Variants in DMRTC2 observed in about 807,000 individuals in gnomAD.
The protein encoded by DMRTC2 is DMRT like family C2.
Under a neutral mutation model 39.9 loss-of-function variants are expected in DMRTC2, and 13 were observed. The observed-to-expected ratio is 0.33, with a 90% CI of 0.21 to 0.52. The LOEUF (loss-of-function observed/expected upper bound fraction) is 0.52, where lower values mean the gene tolerates loss of function less well. Among genes scored for constraint, DMRTC2 ranks in the 20% least tolerant of loss-of-function variants. The probability of loss-of-function intolerance (pLI) is 0.96; values close to 1 mark genes in which losing one functional copy is unlikely to be tolerated. For missense variants in DMRTC2, 431 were observed against 472.8 expected, an observed-to-expected ratio of 0.91 and a Z score of 0.82; for synonymous variants, 189 against 185.2, an observed-to-expected ratio of 1.02 and a Z score of -0.17.
Position 41,848,539 on chromosome 19 carries a change from G to A in DMRTC2, c.447+11G>A. ...ACACCCCCCGGGAAGGTAAGGAGAG[G>A]CTGGGGCCTGAGAAAGTGTCCCCCA... On this transcript the variant is annotated intron_variant, in intron 4 of 8. Transcript: ENST00000269945. 1.3e-6 allele frequency: 2 copies of A among 1,560,826 alleles called. No individual in the cohort carries two copies. The highest frequency in any genetic ancestry group is 1.2e-5 in the South Asian group (1 of 84,352).
Position 41,852,005 on chromosome 19 carries a change from G to A in DMRTC2, c.*309G>A, listed in dbSNP as rs896164868. On this transcript the variant is annotated 3_prime_UTR_variant, in exon 9 of 9. Coordinates refer to ENST00000269945, the MANE Select transcript of DMRTC2 (RefSeq NM_001040283.3). ...TTTAAGCTGACCAGTATCTATAAAC[G>A]TGTTTGCATGAGTTTACATCCCAGG... 9 of 297,378 alleles carry A rather than the reference G, an allele frequency of 3.0e-5. No individual in the cohort carries two copies. In the East Asian group the frequency reaches 3.4e-4, roughly 11 times the overall value. The allele number at this position is 297,378 out of a possible 1,614,324, so 18.4% of individuals were successfully genotyped here. A position where few individuals can be genotyped will look rare whatever the true frequency, so the allele number is the denominator to read the frequency against.
Position 41,851,968 on chromosome 19 carries a change from A to G in DMRTC2, c.*272A>G. The G allele has an allele frequency of 2.2e-6, 1 of 464,064 alleles. No homozygotes were observed. Among genetic ancestry groups the G allele is most frequent in the South Asian group, 2.9e-5 (1 of 34,948 alleles). The allele number at this position is 464,064 out of a possible 1,614,324, so 28.7% of individuals were successfully genotyped here. Reference sequence around the variant, plus strand: ...ATCTCTTGAAATCCCCAATAAAGAGAGAGTTGTGCTATTTAAGCTGACCAG... The same window carrying G: ...ATCTCTTGAAATCCCCAATAAAGAGGGAGTTGTGCTATTTAAGCTGACCAG... On this transcript the variant is annotated 3_prime_UTR_variant, in exon 9 of 9. Transcript: ENST00000269945.
chr19:41,848,273 G>A (rs1306844571), intron 3 of DMRTC2, among the ~76,000 whole-genome samples, 179 bp from the exon 4 acceptor site: 1 of 152,162 alleles, frequency 6.6e-6, no homozygotes, highest in East Asian at 1.9e-4. Context: ...TTGAACCCAG[G>A]AGGCGGAGGT....
intron 3 of DMRTC2, among the ~76,000 whole-genome samples, chr19:41,848,216 C>T (rs1163009364): frequency 2.0e-5 from 3 of 152,072 alleles, no homozygotes; most frequent in African/African-American, 7.2e-5. Context: ...CTTGGTGGCG[C>T]ATGCCTGTAG....
At chr19:41,849,621 G>C (rs1016016540) in intron 6 of DMRTC2, among the ~76,000 whole-genome samples, 2 of 152,324 alleles carry the variant, frequency 1.3e-5, no homozygotes, top group South Asian at 4.1e-4. Flanking sequence ...GAGATGATGA[G>C]AGCCTCAGAG....
At chr19:41,851,469 GTGAAATAATCCAGGAGAACAATGA>G (rs1489404584) in intron 8 of DMRTC2, 91 bp from the exon 9 acceptor site, 9 of 859,744 alleles carry the variant, frequency 1.0e-5, no homozygotes, top group Non-Finnish European at 1.3e-5. Context: ...AAGGAGGTCT[GTGAAATAATCCAGGAGAACAATGA>G]TGAGGCCTGG....
chr19:41,851,416 T>G, intron 8 of DMRTC2, 168 bp from the exon 9 acceptor site: 1 of 599,134 alleles, frequency 1.7e-6, no homozygotes, highest in South Asian at 2.1e-5. Flanking sequence ...GTGGCTTTGA[T>G]GGACGGTTTG....
Position 41,847,875 on chromosome 19 carries a change from G to A in DMRTC2, c.364G>A (p.Val122Ile). The change falls in exon 3 of 9, where the codon GTC becomes ATC. Residue 122 changes from valine (V) to isoleucine (I), a missense_variant. Val to Ile is a conservative substitution (Grantham distance 29). Coordinates refer to ENST00000269945, the MANE Select transcript of DMRTC2 (RefSeq NM_001040283.3). ...CAGAAAGGGAACCACTCAGCCACAG[G>A]TCCCCTGTGAGTGTCTCTGACCAGC... ...HFRKGTTQPQ[V>I]PSGKENIAPQ... 6.3e-7 allele frequency: 1 copy of A among 1,582,070 alleles called. No individual in the cohort carries two copies.
chr19:41,849,753 A>G (rs1485553673), intron 6 of DMRTC2, among the ~76,000 whole-genome samples: 1 of 152,178 alleles, frequency 6.6e-6, no homozygotes. Flanking sequence ...TAGGTCAGGG[A>G]CAGTAATCTC....
chr19:41,850,150 T>A, intron 6 of DMRTC2, 162 bp from the exon 7 acceptor site: 5 of 552,132 alleles, frequency 9.1e-6, no homozygotes, highest in Non-Finnish European at 1.5e-5. Context: ...CTGGCAAGGA[T>A]TTTTACTTTA....
intron 1 of DMRTC2, among the ~76,000 whole-genome samples, chr19:41,846,478 C>T (rs1016346613): frequency 6.6e-6 from 1 of 152,022 alleles, no homozygotes; most frequent in African/African-American, 2.4e-5. Context: ...GAGGCCAAGG[C>T]AGGAGGATCG....
rs1414986803 is a variant in DMRTC2, at chr19:41,848,917, A to G, written c.570A>G (p.Pro190=). The G allele has an allele frequency of 1.9e-6, 3 of 1,613,560 alleles. No individual in the cohort carries two copies. Among genetic ancestry groups the G allele is most frequent in the Non-Finnish European group, 2.5e-6 (3 of 1,180,002 alleles). ...TGCCTCCAGGCTTCTCCATGCCACC[A>G]CCAGTGGTGTGCCGCCTGCTGTACC... ...HWLPPGFSMP[P]PVVCRLLYQE... Residue 190 remains proline, a synonymous_variant, in exon 5 of 9, where the codon CCA becomes CCG. Coordinates refer to ENST00000269945, the MANE Select transcript of DMRTC2 (RefSeq NM_001040283.3).
intron 8 of DMRTC2, chr19:41,851,065 C>A: frequency 7.8e-6 from 2 of 255,662 alleles, no homozygotes; most frequent in Non-Finnish European, 1.5e-5. Flanking sequence ...TGATAAGTGC[C>A]TTCAAGGAGC....
At chr19:41,851,040 G>T in intron 8 of DMRTC2, 2 of 266,150 alleles carry the variant, frequency 7.5e-6, no homozygotes, top group Non-Finnish European at 1.4e-5. Context: ...GTGGGGTCTG[G>T]CCTGGGAGGA....
chr19:41,847,479 C>G lies in DMRTC2; in HGVS notation c.51C>G (p.Ala17=). 6.2e-7 allele frequency: 1 copy of G among 1,609,966 alleles called. No individual in the cohort carries two copies. The highest frequency in any genetic ancestry group is 8.5e-7 in the Non-Finnish European group (1 of 1,177,704). ...GCTACCACTGCCCCTTAGACTCTGCCCCCTGGGATGAGACCAGAGACCCCC... is the reference window on the plus strand; with the variant it reads ...GCTACCACTGCCCCTTAGACTCTGCGCCCTGGGATGAGACCAGAGACCCCC... ...PAGYHCPLDS[A]PWDETRDPQS... is the part of the protein sequence containing the mutation. Residue 17 remains alanine, a synonymous_variant, in exon 2 of 9, where the codon GCC becomes GCG. Coordinates refer to ENST00000269945, the MANE Select transcript of DMRTC2 (RefSeq NM_001040283.3).
intron 8 of DMRTC2, 195 bp downstream of exon 8, chr19:41,850,895 C>T (rs148605793): frequency 1.5e-5 from 8 of 516,818 alleles, no homozygotes; most frequent in Admixed American, 8.0e-5. Flanking sequence ...GTTTGGCACT[C>T]GACAGCAAAT....
At chr19:41,848,129 C>T (rs1555836436) in intron 3 of DMRTC2, among the ~76,000 whole-genome samples, 1 of 152,140 alleles carries the variant, frequency 6.6e-6, no homozygotes. Flanking sequence ...AGGCAGACCA[C>T]GAGGTCAAGA....
chr19:41,846,474 A>C (rs2073849208), intron 1 of DMRTC2, among the ~76,000 whole-genome samples: 1 of 151,814 alleles, frequency 6.6e-6, no homozygotes, highest in Non-Finnish European at 1.5e-5. Flanking sequence ...GTGGGAGGCC[A>C]AGGCAGGAGG....
rs111440136 is a variant in DMRTC2, at chr19:41,851,376, A to C, written c.992-208A>C. On this transcript the variant is annotated intron_variant, in intron 8 of 8. Coordinates refer to ENST00000269945, the MANE Select transcript of DMRTC2 (RefSeq NM_001040283.3). ...TTCTGAACTAAGCAAGGACAAATTC[A>C]GAGACCCTGAGCTTTAGAAAGACAA... 5.8e-4 allele frequency: 320 copies of C among 555,368 alleles called. 2 individuals carry two copies. The highest frequency in any genetic ancestry group is 5.6e-3 in the African/African-American group (298 of 53,002). 34.4% of individuals were successfully genotyped at this position (555,368 alleles called of 1,614,324 possible). A position where few individuals can be genotyped will look rare whatever the true frequency, so the allele number is the denominator to read the frequency against.
Sources: allele counts gnomAD v4.1 joint callset (sites outside exome capture counted in the v4.1 genomes callset), GRCh38; gene constraint gnomAD v4.1.1; transcripts MANE v1.5; gene names NCBI Gene and HGNC (gene_info 2026-07-23, HGNC 2026-07-21).